The following ADAM22 variants were observed in gnomAD, a reference collection of about 807,000 sequenced individuals.
ADAM22 encodes ADAM metallopeptidase domain 22.
A neutral mutation model predicts 144.6 loss-of-function variants in ADAM22; 65 were observed. The ratio of observed to expected loss-of-function variants is 0.45; its 90% CI spans 0.37 to 0.55. The LOEUF (loss-of-function observed/expected upper bound fraction) is 0.55. Ranked by LOEUF, ADAM22 falls within the 20% of genes least tolerant of loss-of-function variation. ADAM22 has a pLI of 0.00. For synonymous variants in ADAM22, 391 were observed against 412.6 expected, an observed-to-expected ratio of 0.95 and a Z score of 0.63; for missense variants, 974 against 1,184.9, an observed-to-expected ratio of 0.82 and a Z score of 2.61.
chr7:88,004,946 G>C lies in ADAM22; in HGVS notation c.323+26534G>C, dbSNP rs559502052. 2.0e-5 allele frequency among the ~76,000 whole-genome samples: 3 copies of C among 152,208 alleles called. No homozygotes were observed. In the South Asian group the frequency reaches 6.2e-4, roughly 32 times the overall value. The stretch of plus-strand genomic sequence containing the variant: ...AGAGCCCTAATTGTCAGTGTAGTTT[G>C]ACTTTGGATAATCCAGCACTAAATG... On this transcript the variant is annotated intron_variant, in intron 3 of 31. Coordinates refer to ENST00000413139, the MANE Select transcript of ADAM22 (RefSeq NM_001324418.2).
chr7:88,020,139 A>C (rs1273082951), intron 3 of ADAM22, among the ~76,000 whole-genome samples: 2 of 152,164 alleles, frequency 1.3e-5, no homozygotes, highest in African/African-American at 4.8e-5. Context: ...ATTCTCATGA[A>C]TATTGGTATC....
At chr7:88,053,589 AAGGAAAGAAAGAAAGAAAG>A (rs1563113911) in intron 3 of ADAM22, among the ~76,000 whole-genome samples, 1 of 112,320 alleles carries the variant, frequency 8.9e-6, no homozygotes, top group Non-Finnish European at 1.8e-5. Flanking sequence ...GGAAGGAAGG[AAGGAAAGAAAGAAAGAAAG>A]AAAGAAAGAA....
chr7:88,195,557 C>G (rs1216180671), intron 31 of ADAM22, among the ~76,000 whole-genome samples: 1 of 152,090 alleles, frequency 6.6e-6, no homozygotes, highest in East Asian at 1.9e-4. Context: ...GCTCAGTCGC[C>G]CAGGCTATAG....
At chr7:88,008,111 A>G (rs1024580130) in intron 3 of ADAM22, among the ~76,000 whole-genome samples, 2 of 152,154 alleles carry the variant, frequency 1.3e-5, no homozygotes, top group Non-Finnish European at 2.9e-5. Flanking sequence ...ACACTTCTCA[A>G]AAGAAGACAT....
intron 3 of ADAM22, among the ~76,000 whole-genome samples, chr7:88,024,148 A>C (rs1424699404): frequency 6.6e-6 from 1 of 152,138 alleles, no homozygotes; most frequent in Non-Finnish European, 1.5e-5. Context: ...CTGCTTCCAT[A>C]AACATGGAAG....
At chr7:88,160,962 C>A (rs1010616531) in intron 22 of ADAM22, among the ~76,000 whole-genome samples, 14 of 151,766 alleles carry the variant, frequency 9.2e-5, no homozygotes, top group Non-Finnish European at 2.1e-4. Context: ...CGGGGCCTGT[C>A]ATGGGGCAGG....
intron 30 of ADAM22, among the ~76,000 whole-genome samples, chr7:88,191,162 G>GA (rs1849538396): frequency 1.3e-5 from 2 of 152,348 alleles, no homozygotes; most frequent in African/African-American, 2.4e-5. Context: ...GGGTTCTGGA[G>GA]AAAATCTCCT....
intron 5 of ADAM22, among the ~76,000 whole-genome samples, chr7:88,113,703 A>AATATAT (rs58099116): frequency 0.015 from 742 of 48,014 alleles, 34 homozygotes; most frequent in Middle Eastern, 0.036. Flanking sequence ...TAAATAAATA[A>AATATAT]ATATATATAT....
intron 3 of ADAM22, among the ~76,000 whole-genome samples, chr7:88,047,912 AG>A (rs1302734400): frequency 6.6e-6 from 1 of 152,112 alleles, no homozygotes; most frequent in Non-Finnish European, 1.5e-5. Context: ...CATATATATA[AG>A]AAAAGTGAAA....
At chr7:88,146,476 TTTG>T (rs1836470314) in intron 17 of ADAM22, among the ~76,000 whole-genome samples, 1 of 152,212 alleles carries the variant, frequency 6.6e-6, no homozygotes, top group Non-Finnish European at 1.5e-5. Flanking sequence ...TGGATAATCC[TTTG>T]TTGTAAGGGT....
intron 2 of ADAM22, among the ~76,000 whole-genome samples, chr7:87,944,834 T>G (rs1456109995): frequency 6.6e-6 from 1 of 151,468 alleles, no homozygotes; most frequent in Non-Finnish European, 1.5e-5. Context: ...TTTTTTTGTT[T>G]TTTTTTTTTT....
chr7:88,193,034 G>T, intron 30 of ADAM22, 82 bp from the exon 31 acceptor site: 1 of 1,553,578 alleles, frequency 6.4e-7, no homozygotes, highest in Non-Finnish European at 8.8e-7. Flanking sequence ...AAGTCAGAGG[G>T]TTTGTTCTGA....
intron 3 of ADAM22, among the ~76,000 whole-genome samples, chr7:88,051,209 C>A (rs1806238722): frequency 6.6e-6 from 1 of 152,038 alleles, no homozygotes; most frequent in South Asian, 2.1e-4. Context: ...GGATATATAC[C>A]CAAAGGATTA....
intron 4 of ADAM22, among the ~76,000 whole-genome samples, chr7:88,091,898 T>C (rs1266792583): frequency 6.6e-6 from 1 of 152,162 alleles, no homozygotes; most frequent in Admixed American, 6.6e-5. Flanking sequence ...GTCCCAATTA[T>C]TCCAATATAA....
intron 4 of ADAM22, among the ~76,000 whole-genome samples, chr7:88,099,874 A>G (rs971411544): frequency 6.6e-6 from 1 of 152,112 alleles, no homozygotes; most frequent in Non-Finnish European, 1.5e-5. Context: ...CATATATGAA[A>G]ACAACCCTCT....
rs182510155 is a variant in ADAM22, at chr7:88,142,349, A to C, written c.1221-677A>C. On this transcript the variant is annotated intron_variant, in intron 14 of 31. Transcript: ENST00000413139. ...ACAGCTCCTCTTTCTTTGACTTTTA[A>C]GACCTGACATATTTATATTATAGGT... 1.5e-3 allele frequency among the ~76,000 whole-genome samples: 224 copies of C among 152,266 alleles called. 1 individual carries two copies. Among genetic ancestry groups the C allele is most frequent in the Admixed American group, 2.8e-3 (43 of 15,290 alleles).
intron 3 of ADAM22, among the ~76,000 whole-genome samples, chr7:88,015,586 AAAC>A (rs1198751018): frequency 1.3e-5 from 2 of 152,212 alleles, no homozygotes; most frequent in Non-Finnish European, 2.9e-5. Context: ...GAGGAGATGG[AAAC>A]AGACCTCCAA....
At chr7:88,034,273 G>T (rs1447273049) in intron 3 of ADAM22, among the ~76,000 whole-genome samples, 2 of 152,184 alleles carry the variant, frequency 1.3e-5, no homozygotes, top group Non-Finnish European at 2.9e-5. Context: ...CCTGCCAGAA[G>T]TTGGTCCTTC....
chr7:88,003,619 G>A (rs1014344269), intron 3 of ADAM22, among the ~76,000 whole-genome samples: 6 of 152,302 alleles, frequency 3.9e-5, no homozygotes, highest in African/African-American at 1.4e-4. Context: ...GGGAAGCAAA[G>A]AGAAGACAGA....
Sources: gnomAD v4.1 joint callset for allele counts (sites outside exome capture counted in the v4.1 genomes callset) on GRCh38, gnomAD v4.1.1 for gene constraint, MANE v1.5 for transcripts, NCBI Gene and HGNC (gene_info 2026-07-23, HGNC 2026-07-21) for gene names.